Variants in APLP2 observed in about 807,000 individuals in gnomAD.
APLP2 encodes the protein amyloid beta precursor like protein 2.
A neutral mutation model predicts 89.9 loss-of-function variants in APLP2; 53 were observed. The observed-to-expected ratio is 0.59, with a 90% CI of 0.47 to 0.74. The LOEUF (loss-of-function observed/expected upper bound fraction) is 0.74, where lower values mean the gene tolerates loss of function less well. Among genes scored for constraint, APLP2 ranks in the 30% least tolerant of loss-of-function variants. APLP2 has a pLI of 0.00. For synonymous variants in APLP2, 372 were observed against 348.6 expected, an observed-to-expected ratio of 1.07 and a Z score of -0.75; for missense variants, 973 against 975.9, an observed-to-expected ratio of 1.00 and a Z score of 0.04.
rs1951192518 is a variant in APLP2 at position 130,133,662 on chromosome 11, A to G, written c.1618A>G (p.Arg540Gly). ...ACATCTCCACGTGATTGAAGAAAGG[A>G]GGAACCAAAGCCTCTCTCTGCTCTA... is the stretch of plus-strand genomic sequence containing the variant. Reference protein sequence around the residue: ...MTHLHVIEERRNQSLSLLYKV... With the variant: ...MTHLHVIEERGNQSLSLLYKV... Residue 540 changes from arginine (R) to glycine (G), a missense_variant, in exon 12 of 17, where the codon AGG (arginine) becomes GGG (glycine). By Grantham distance (125) the Arg-to-Gly change is moderately radical. Coordinates refer to ENST00000338167, the MANE Select transcript of APLP2 (RefSeq NM_001142276.2). The G allele has an allele frequency of 6.2e-7, 1 of 1,614,166 alleles. No individual in the cohort carries two copies. The highest frequency in any genetic ancestry group is 8.5e-7 in the Non-Finnish European group (1 of 1,179,984).
chr11:130,128,347 T>A (rs921989358), intron 9 of APLP2, among the ~76,000 whole-genome samples: 36 of 152,194 alleles, frequency 2.4e-4, no homozygotes, highest in Non-Finnish European at 3.7e-4. Flanking sequence ...CAAAACTGAT[T>A]TTGTAAATTT....
chr11:130,122,247 T>C (rs943507292), intron 5 of APLP2, 58 bp from the exon 6 acceptor site: 2 of 1,581,576 alleles, frequency 1.3e-6, no homozygotes, highest in Admixed American at 3.4e-5. Flanking sequence ...AGGGACCCAT[T>C]GTTGTGCTTT....
rs201721643 is a variant in APLP2, at chr11:130,109,588, C to T, written c.265C>T (p.Gln89Ter). The T allele has an allele frequency of 1.2e-6, 2 of 1,612,498 alleles. No individual in the cohort carries two copies. Among genetic ancestry groups the T allele is most frequent in the African/African-American group, 1.3e-5 (1 of 74,922 alleles). ...SCFETKEEVL[Q>*]YCQEMYPELQ... is the part of the protein sequence containing the mutation. ...CTTTGAAACAAAAGAAGAAGTTCTT[C>T]AGTACTGTCAGGAGGTAAGAGTGTT... is the stretch of plus-strand genomic sequence containing the variant. The change falls in exon 2 of 17, where the codon CAG (glutamine) becomes TAG (stop). Residue 89 changes from glutamine to a stop codon, truncating the protein, a stop_gained. Coordinates refer to ENST00000338167, the MANE Select transcript of APLP2 (RefSeq NM_001142276.2). LOFTEE classifies it high-confidence loss of function.
chr11:130,125,946 C>T (rs971789385), intron 7 of APLP2, among the ~76,000 whole-genome samples: 7 of 152,152 alleles, frequency 4.6e-5, no homozygotes, highest in Non-Finnish European at 1.0e-4. Context: ...ATCCAGCAGT[C>T]GGGGGTGCTC....
At chr11:130,096,938 C>A (rs1169012947) in intron 1 of APLP2, among the ~76,000 whole-genome samples, 1 of 152,122 alleles carries the variant, frequency 6.6e-6, no homozygotes, top group African/African-American at 2.4e-5. Context: ...CTCATACTTG[C>A]TTTATTACTT....
chr11:130,082,688 G>C (rs544839039), intron 1 of APLP2: 1 of 192,074 alleles, frequency 5.2e-6, no homozygotes, highest in African/African-American at 2.4e-5. Context: ...CTCTAAGTCA[G>C]CCTGGGCACA....
chr11:130,069,938 G>C lies in APLP2; in HGVS notation c.-40G>C. 2 of 1,439,098 alleles carry C rather than the reference G, an allele frequency of 1.4e-6. No individual in the cohort carries two copies. The highest frequency in any genetic ancestry group is 1.9e-6 in the Non-Finnish European group (2 of 1,076,910). 89.1% of individuals were successfully genotyped at this position (1,439,098 alleles called of 1,614,324 possible). On this transcript the variant is annotated 5_prime_UTR_variant, in exon 1 of 17. Coordinates refer to ENST00000338167, the MANE Select transcript of APLP2 (RefSeq NM_001142276.2). ...TGTGCTAAGCGAGGAGTCCGAGTGT[G>C]TGAGCTTGAGAGCCGCGCGCTAGAG... is the stretch of plus-strand genomic sequence containing the variant.
intron 1 of APLP2, among the ~76,000 whole-genome samples, chr11:130,077,467 G>A (rs1942328249): frequency 6.6e-6 from 1 of 152,088 alleles, no homozygotes; most frequent in Non-Finnish European, 1.5e-5. Flanking sequence ...CTTTTTACCC[G>A]GAGAGGTGAA....
intron 1 of APLP2, 66 bp from the exon 2 acceptor site, chr11:130,109,363 C>G: frequency 7.0e-7 from 1 of 1,437,824 alleles, no homozygotes; most frequent in Non-Finnish European, 9.4e-7. Flanking sequence ...TCACATAGAC[C>G]TGAATGACTG....
chr11:130,070,167 A>C, intron 1 of APLP2, 85 bp downstream of exon 1: 2 of 945,094 alleles, frequency 2.1e-6, no homozygotes, highest in South Asian at 3.9e-5. Flanking sequence ...GGTCCGCGGC[A>C]GGGCGGGCCG....
chr11:130,134,308 G>A (rs556310115), intron 12 of APLP2, among the ~76,000 whole-genome samples: 84 of 152,270 alleles, frequency 5.5e-4, no homozygotes, highest in African/African-American at 1.7e-3. Flanking sequence ...CAGTCGGGGC[G>A]GCTGCCTCTG....
At chr11:130,138,592 T>G (rs1447560865) in intron 13 of APLP2, among the ~76,000 whole-genome samples, 1 of 141,632 alleles carries the variant, frequency 7.1e-6, no homozygotes, top group African/African-American at 2.7e-5. Context: ...TTTTTTTTTT[T>G]TTTTTTTTTT....
At chr11:130,070,897 A>G (rs1201327927) in intron 1 of APLP2, 4 of 755,126 alleles carry the variant, frequency 5.3e-6, no homozygotes, top group Non-Finnish European at 7.1e-6. Context: ...CCGCTGCGAG[A>G]AAGGCGAAGC....
intron 3 of APLP2, among the ~76,000 whole-genome samples, chr11:130,116,483 T>G (rs575629146): frequency 7.9e-5 from 12 of 152,044 alleles, no homozygotes; most frequent in Admixed American, 7.2e-4. Flanking sequence ...GGTGTGTATC[T>G]TTTTCTTTTT....
intron 1 of APLP2, among the ~76,000 whole-genome samples, chr11:130,093,871 G>A (rs866419864): frequency 6.6e-6 from 1 of 151,924 alleles, no homozygotes; most frequent in South Asian, 2.1e-4. Context: ...AGCCTCCCGC[G>A]TAGCTGGAAT....
At chr11:130,143,043 C>T (rs750877256) in intron 16 of APLP2, among the ~76,000 whole-genome samples, 9 of 152,142 alleles carry the variant, frequency 5.9e-5, no homozygotes, top group Non-Finnish European at 1.0e-4. Context: ...TTGGCTGGCC[C>T]AGGTAGTAAG....
Position 130,141,402 on chromosome 11 carries a change from T to G in APLP2, c.1924-96T>G. On this transcript the variant is annotated intron_variant, in intron 14 of 16. Transcript: ENST00000338167. This position sits in a 1 kb window ranked among gnomAD's most constrained non-coding sequence, Gnocchi z 4.2. The stretch of plus-strand genomic sequence containing the variant: ...GGGGTCCCACAGGTACCTGCTTCCT[T>G]CCATCAAGCAGCAGGTAGCAGAGGA... 1 of 1,017,116 alleles carries G rather than the reference T, an allele frequency of 9.8e-7. No individual in the cohort carries two copies. The highest frequency in any genetic ancestry group is 1.5e-6 in the Non-Finnish European group (1 of 656,502). 63.0% of individuals were successfully genotyped at this position (1,017,116 alleles called of 1,614,324 possible). A position where few individuals can be genotyped will look rare whatever the true frequency, so the allele number is the denominator to read the frequency against.
At chr11:130,110,215 C>G (rs1336753310) in intron 2 of APLP2, among the ~76,000 whole-genome samples, 1 of 152,322 alleles carries the variant, frequency 6.6e-6, no homozygotes, top group Non-Finnish European at 1.5e-5. Context: ...ACGGAGCCAT[C>G]AGTTCAACAG....
intron 3 of APLP2, among the ~76,000 whole-genome samples, chr11:130,116,389 G>T (rs573603220): frequency 2.0e-5 from 3 of 151,984 alleles, no homozygotes; most frequent in Non-Finnish European, 4.4e-5. Flanking sequence ...ATTCCCTCTC[G>T]ATGGACATTT....
Sources: allele counts gnomAD v4.1 joint callset (sites outside exome capture counted in the v4.1 genomes callset), GRCh38; gene constraint gnomAD v4.1.1; non-coding constraint Gnocchi (gnomAD v3.1); transcripts MANE v1.5; gene names NCBI Gene and HGNC (gene_info 2026-07-23, HGNC 2026-07-21).